TTL: variants seen among roughly 807,000 people sequenced by gnomAD.
The protein encoded by TTL is tubulin--tyrosine ligase.
A neutral mutation model predicts 41.1 loss-of-function variants in TTL; 10 were observed. That is an observed-to-expected ratio of 0.24 (90% CI 0.15 to 0.41). TTL has a LOEUF of 0.41. Ranked by LOEUF, TTL falls within the 10% of genes least tolerant of loss-of-function variation. The probability of loss-of-function intolerance (pLI) is 1.00; values close to 1 mark genes in which losing one functional copy is unlikely to be tolerated. For missense variants in TTL, 367 were observed against 460.4 expected (o/e 0.80, Z 1.86); for synonymous variants, 175 against 175.5 (o/e 1.00, Z 0.02).
rs1309106309 is a variant in TTL at position 112,541,087 on chromosome 2, A to G, written c.*12292A>G. 1.3e-5 allele frequency: 2 copies of G among 152,210 alleles called. No homozygotes were observed. The highest frequency in any genetic ancestry group is 1.5e-5 in the Non-Finnish European group (1 of 68,020). 9.4% of individuals were successfully genotyped at this position (152,210 alleles called of 1,614,324 possible). On this transcript the variant is annotated 3_prime_UTR_variant, in exon 7 of 7. Coordinates refer to ENST00000233336, the MANE Select transcript of TTL (RefSeq NM_153712.5). ...CCTGTGATGATTACATCGTATGCCT[A>G]TATGAAAACATCTCATATACCTCAT...
In TTL at chr2:112,512,029, T is replaced by C. The variant is rs571658491; in HGVS notation, c.876-8253T>C. On this transcript the variant is annotated intron_variant, in intron 5 of 6. Coordinates refer to ENST00000233336, the MANE Select transcript of TTL (RefSeq NM_153712.5). Reference sequence around the variant, plus strand: ...TACTGTCCCTAGGTATTATATTCTATATTTAAAGTAGTTTTCTGGTAGACA... The same window carrying C: ...TACTGTCCCTAGGTATTATATTCTACATTTAAAGTAGTTTTCTGGTAGACA... 5.2e-4 allele frequency among the ~76,000 whole-genome samples: 79 copies of C among 152,198 alleles called. 2 individuals carry two copies. The South Asian group carries it at 0.011, about 21-fold the overall frequency.
At chr2:112,525,647 A>C (rs1302929702) in intron 6 of TTL, among the ~76,000 whole-genome samples, 1 of 152,152 alleles carries the variant, frequency 6.6e-6, no homozygotes, top group Non-Finnish European at 1.5e-5. Context: ...GTATCCTGAG[A>C]CTTTGCTGAA....
intron 2 of TTL, among the ~76,000 whole-genome samples, chr2:112,491,224 C>G (rs1359357520): frequency 6.6e-6 from 1 of 152,170 alleles, no homozygotes; most frequent in Non-Finnish European, 1.5e-5. Context: ...ATCTACTGAC[C>G]TTGTGATCCG....
At chr2:112,519,777 T>TA (rs1330232766) in intron 5 of TTL, among the ~76,000 whole-genome samples, 2 of 152,094 alleles carry the variant, frequency 1.3e-5, no homozygotes, top group African/African-American at 4.8e-5. Flanking sequence ...TGGTTGCAGT[T>TA]TTCTAACAAA....
At chr2:112,512,523 A>G (rs1051258139) in intron 5 of TTL, among the ~76,000 whole-genome samples, 9 of 152,012 alleles carry the variant, frequency 5.9e-5, no homozygotes, top group South Asian at 4.1e-4. Context: ...CGGCCTCCCA[A>G]AGTGCTGGGA....
intron 5 of TTL, among the ~76,000 whole-genome samples, chr2:112,515,086 A>G (rs550583249): frequency 6.6e-6 from 1 of 152,020 alleles, no homozygotes; most frequent in East Asian, 1.9e-4. Context: ...TCTTTTTTTC[A>G]TATTATAGTT....
intron 5 of TTL, among the ~76,000 whole-genome samples, chr2:112,509,499 G>T (rs1420544635): frequency 6.6e-6 from 1 of 152,238 alleles, no homozygotes; most frequent in Non-Finnish European, 1.5e-5. Flanking sequence ...TGAGCCAGGT[G>T]TGGGATATAA....
rs960240801 is a variant in TTL, at chr2:112,532,012, A to C, written c.*3217A>C. 1 of 227,850 alleles carries C rather than the reference A, an allele frequency of 4.4e-6. No homozygotes were observed. The highest frequency in any genetic ancestry group is 8.7e-6 in the Non-Finnish European group (1 of 114,798). The allele number at this position is 227,850 out of a possible 1,614,324, so 14.1% of individuals were successfully genotyped here. A position where few individuals can be genotyped will look rare whatever the true frequency, so the allele number is the denominator to read the frequency against. On this transcript the variant is annotated 3_prime_UTR_variant, in exon 7 of 7. Coordinates refer to ENST00000233336, the MANE Select transcript of TTL (RefSeq NM_153712.5). Reference sequence around the variant, plus strand: ...AACATTTAAGTGCCTCAGCATCTGTATGATATAGTGGAGCAGGTGCTGACA... The same window carrying C: ...AACATTTAAGTGCCTCAGCATCTGTCTGATATAGTGGAGCAGGTGCTGACA...
chr2:112,483,853 T>C (rs1452959662), intron 1 of TTL: 1 of 152,224 alleles, frequency 6.6e-6, no homozygotes, highest in African/African-American at 2.4e-5. Flanking sequence ...AATCTTAGAA[T>C]ATGGAGACTG....
intron 5 of TTL, among the ~76,000 whole-genome samples, chr2:112,511,316 G>A (rs375912238): frequency 6.6e-6 from 1 of 151,524 alleles, no homozygotes; most frequent in Non-Finnish European, 1.5e-5. Context: ...GCCTTATTCT[G>A]CTTGTTCTAT....
chr2:112,525,464 C>T (rs963551385), intron 6 of TTL, among the ~76,000 whole-genome samples: 5 of 152,146 alleles, frequency 3.3e-5, no homozygotes, highest in Non-Finnish European at 7.3e-5. Context: ...TCTTTTATTT[C>T]GTTGAGCAGC....
intron 6 of TTL, chr2:112,521,173 A>T (rs1443075739): frequency 6.1e-6 from 6 of 985,048 alleles, no homozygotes; most frequent in Non-Finnish European, 7.2e-6. Flanking sequence ...GAGTCTTCCA[A>T]AAGAGGTGCA....
intron 5 of TTL, among the ~76,000 whole-genome samples, chr2:112,512,464 G>A (rs930053327): frequency 2.0e-5 from 3 of 151,874 alleles, no homozygotes; most frequent in Admixed American, 6.6e-5. Flanking sequence ...GGGTTTCACC[G>A]TGTTAGCCAG....
At chr2:112,496,333 A>G (rs1681521332) in intron 3 of TTL, among the ~76,000 whole-genome samples, 1 of 152,234 alleles carries the variant, frequency 6.6e-6, no homozygotes. Context: ...TTTGGAAACC[A>G]TAAAATGAAA....
chr2:112,520,474 A>G, intron 6 of TTL, 49 bp downstream of exon 6: 1 of 1,603,602 alleles, frequency 6.2e-7, no homozygotes. Flanking sequence ...TTGGTTCTGC[A>G]GTTGGGATAG....
In TTL at chr2:112,537,737, T is replaced by A. The variant is rs1175776474; in HGVS notation, c.*8942T>A. The A allele has an allele frequency of 6.6e-6, 1 of 152,206 alleles. No homozygotes were observed. Among genetic ancestry groups the A allele is most frequent in the Non-Finnish European group, 1.5e-5 (1 of 68,034 alleles). 9.4% of individuals were successfully genotyped at this position (152,206 alleles called of 1,614,324 possible). On this transcript the variant is annotated 3_prime_UTR_variant, in exon 7 of 7. Transcript: ENST00000233336. ...GCCTAAAGATACATGACATAAAAAC[T>A]TAGAGAATTGAAGGAAGAAACAGAC... is the stretch of plus-strand genomic sequence containing the variant.
At chr2:112,511,612 T>C (rs758511769) in intron 5 of TTL, among the ~76,000 whole-genome samples, 16 of 152,096 alleles carry the variant, frequency 1.1e-4, no homozygotes, top group Non-Finnish European at 2.1e-4. Context: ...TTGCCCAGGC[T>C]GGAGTTCAGG....
At chr2:112,497,096 A>G (rs1681554924) in intron 3 of TTL, among the ~76,000 whole-genome samples, 1 of 151,824 alleles carries the variant, frequency 6.6e-6, no homozygotes, top group Admixed American at 6.6e-5. Flanking sequence ...CTGGGATTAC[A>G]GGCGTGAGCC....
intron 6 of TTL, 68 bp from the exon 7 acceptor site, chr2:112,528,613 A>C (rs1402933064): frequency 7.1e-7 from 1 of 1,399,096 alleles, no homozygotes; most frequent in Admixed American, 1.7e-5. Flanking sequence ...CAAAAACAAA[A>C]AACATCTATT....
Sources: gnomAD v4.1 joint callset for allele counts (sites outside exome capture counted in the v4.1 genomes callset) on GRCh38, gnomAD v4.1.1 for gene constraint, MANE v1.5 for transcripts, NCBI Gene and HGNC (gene_info 2026-07-23, HGNC 2026-07-21) for gene names.